PCDHGA10: variants seen among roughly 807,000 people sequenced by gnomAD.
The protein encoded by PCDHGA10 is protocadherin gamma-A10.
In PCDHGA10, 42 loss-of-function variants were observed where a neutral mutation model predicts 59.5. The observed-to-expected ratio is 0.71, with a 90% CI of 0.55 to 0.91. PCDHGA10 has a LOEUF of 0.91. PCDHGA10 is among the 40% of genes least tolerant of loss of function. The pLI is 0.00. For synonymous variants in PCDHGA10, 511 were observed against 517.2 expected (o/e 0.99, Z 0.16); for missense variants, 1,111 against 1,198.2 (o/e 0.93, Z 1.07).
rs1036344847 is a variant in PCDHGA10 at position 141,424,050 on chromosome 5, C to G, written c.2436+8439C>G. 9.9e-6 allele frequency: 10 copies of G among 1,014,084 alleles called. No homozygotes were observed. The African/African-American group carries it at 1.6e-4, about 16-fold the overall frequency. The allele number at this position is 1,014,084 out of a possible 1,614,324, so 62.8% of individuals were successfully genotyped here. A position where few individuals can be genotyped will look rare whatever the true frequency, so the allele number is the denominator to read the frequency against. ...ACTTTTTATTTCCATTTCAATTTTG[C>G]TGTGCCTTCACTGATTTGTAGTTAT... On this transcript the variant is annotated intron_variant, in intron 1 of 3. Coordinates refer to ENST00000398610, the MANE Select transcript of PCDHGA10 (RefSeq NM_018913.3).
At chr5:141,447,238 C>T (rs1028683423) in intron 1 of PCDHGA10, among the ~76,000 whole-genome samples, 1 of 152,148 alleles carries the variant, frequency 6.6e-6, no homozygotes, top group Non-Finnish European at 1.5e-5. Context: ...CTCCCGGGTT[C>T]AAGTGATTCT....
At chr5:141,433,264 G>T in intron 1 of PCDHGA10, 1 of 1,314,872 alleles carries the variant, frequency 7.6e-7, no homozygotes, top group South Asian at 1.4e-5. Flanking sequence ...TACGATCATA[G>T]CTCACTGCAG....
chr5:141,434,509 T>C (rs1480014539), intron 1 of PCDHGA10, among the ~76,000 whole-genome samples: 3 of 152,232 alleles, frequency 2.0e-5, no homozygotes, highest in Non-Finnish European at 4.4e-5. Context: ...AGAAAACTGC[T>C]TAAAGGTGTT....
At chr5:141,481,913 C>CAAAAA (rs34114744) in intron 1 of PCDHGA10, among the ~76,000 whole-genome samples, 2 of 90,852 alleles carry the variant, frequency 2.2e-5, no homozygotes, top group Non-Finnish European at 4.4e-5. Flanking sequence ...AACTCCATCT[C>CAAAAA]AAAAAAAAAA....
At chr5:141,499,689 C>CTTT (rs545067566) in intron 2 of PCDHGA10, among the ~76,000 whole-genome samples, 57 of 119,830 alleles carry the variant, frequency 4.8e-4, no homozygotes, top group Non-Finnish European at 6.2e-4. Context: ...TAACAGATGA[C>CTTT]TTTTTTTTTT....
At chr5:141,424,832 A>G (rs2096843522) in intron 1 of PCDHGA10, among the ~76,000 whole-genome samples, 1 of 152,174 alleles carries the variant, frequency 6.6e-6, no homozygotes. Context: ...TGCCTGACAT[A>G]CATGTTATCT....
chr5:141,492,125 C>T (rs1284932830), intron 1 of PCDHGA10, among the ~76,000 whole-genome samples: 1 of 152,222 alleles, frequency 6.6e-6, no homozygotes, highest in Non-Finnish European at 1.5e-5. Context: ...TTCTCCCCAG[C>T]TCCCAGCATC....
In PCDHGA10 at chr5:141,432,986, G is replaced by A. The variant is rs2097557714; in HGVS notation, c.2436+17375G>A. ...AGCGCCGGCGTCGCACTTTGTGGGC[G>A]TGGACGGGGTGCAGGCTTTCCTGCA... On this transcript the variant is annotated intron_variant, in intron 1 of 3. Transcript: ENST00000398610. This position sits in a 1 kb window ranked among gnomAD's most constrained non-coding sequence, Gnocchi z 6.0. 6 of 1,614,258 alleles carry A rather than the reference G, an allele frequency of 3.7e-6. No individual in the cohort carries two copies. In the Middle Eastern group the frequency reaches 4.9e-4, roughly 133 times the overall value.
chr5:141,450,838 T>A (rs2098698352), intron 1 of PCDHGA10, among the ~76,000 whole-genome samples: 1 of 149,278 alleles, frequency 6.7e-6, no homozygotes, highest in African/African-American at 2.5e-5. Flanking sequence ...TATTTTTTTT[T>A]TTTTGAGATG....
At chr5:141,420,252 C>T (rs745697672) in intron 1 of PCDHGA10, 1 of 1,576,604 alleles carries the variant, frequency 6.3e-7, no homozygotes, top group Non-Finnish European at 8.6e-7. Flanking sequence ...AGCGTTGAAG[C>T]AGATAAGAAG....
rs1382764259 is a variant in PCDHGA10 at position 141,478,383 on chromosome 5, T to G, written c.2437-16424T>G. 2.5e-6 allele frequency: 4 copies of G among 1,613,630 alleles called. No individual in the cohort carries two copies. In the Admixed American group the frequency reaches 6.7e-5, roughly 27 times the overall value. Reference sequence around the variant, plus strand: ...CGGGGAGGCCTGATGTCGCCGCACCTTTACCATCAGGTGTATCTCACCACG... The same window carrying G: ...CGGGGAGGCCTGATGTCGCCGCACCGTTACCATCAGGTGTATCTCACCACG... On this transcript the variant is annotated intron_variant, in intron 1 of 3. Coordinates refer to ENST00000398610, the MANE Select transcript of PCDHGA10 (RefSeq NM_018913.3).
intron 1 of PCDHGA10, among the ~76,000 whole-genome samples, chr5:141,437,486 G>A (rs530079212): frequency 2.6e-5 from 4 of 152,224 alleles, no homozygotes; most frequent in South Asian, 2.1e-4. Flanking sequence ...ATTTAATCTC[G>A]TAGATCACTT....
chr5:141,511,695 C>T lies in PCDHGA10; in HGVS notation c.*522C>T, dbSNP rs1009832192. 1 of 195,662 alleles carries T rather than the reference C, an allele frequency of 5.1e-6. No individual in the cohort carries two copies. Among genetic ancestry groups the T allele is most frequent in the Non-Finnish European group, 1.1e-5 (1 of 92,626 alleles). The allele number at this position is 195,662 out of a possible 1,614,324, so 12.1% of individuals were successfully genotyped here. On this transcript the variant is annotated 3_prime_UTR_variant, in exon 4 of 4. Coordinates refer to ENST00000398610, the MANE Select transcript of PCDHGA10 (RefSeq NM_018913.3). ...CTTCCCCCAAAGCATGGTTTGGTGC[C>T]AGCCCCTTCACCTCCTTCCAGAGCC...
Position 141,491,916 on chromosome 5 carries a change from G to T in PCDHGA10, c.2437-2891G>T. ...GAGCACCGGGGGTGGTGGCGACTGT[G>T]GGCGAGGGGAGGTGGGACCGACCCC... On this transcript the variant is annotated intron_variant, in intron 1 of 3. Transcript: ENST00000398610. The surrounding 1 kb of genome is among the most constrained non-coding windows in gnomAD (Gnocchi z 6.9). 2 of 1,386,662 alleles carry T rather than the reference G, an allele frequency of 1.4e-6. No homozygotes were observed. Among genetic ancestry groups the T allele is most frequent in the African/African-American group, 1.5e-5 (1 of 68,510 alleles). The allele number at this position is 1,386,662 out of a possible 1,614,324, so 85.9% of individuals were successfully genotyped here.
chr5:141,431,016 C>A lies in PCDHGA10; in HGVS notation c.2436+15405C>A, dbSNP rs755015257. 4 of 1,613,456 alleles carry A rather than the reference C, an allele frequency of 2.5e-6. No individual in the cohort carries two copies. Among genetic ancestry groups the A allele is most frequent in the East Asian group, 2.2e-5 (1 of 44,860 alleles). ...AATCCGCGCAGCGGCAGCTTGGTCA[C>A]GGCGGGCAGGATAGACCGGGAGGAG... is the stretch of plus-strand genomic sequence containing the variant. On this transcript the variant is annotated intron_variant, in intron 1 of 3. Coordinates refer to ENST00000398610, the MANE Select transcript of PCDHGA10 (RefSeq NM_018913.3). The surrounding 1 kb of genome is among the most constrained non-coding windows in gnomAD (Gnocchi z 4.8).
intron 1 of PCDHGA10, among the ~76,000 whole-genome samples, chr5:141,484,752 A>G (rs181317421): frequency 6.6e-5 from 10 of 151,098 alleles, no homozygotes; most frequent in Admixed American, 3.3e-4. Context: ...AAAAAAATGT[A>G]TATATATATA....
chr5:141,413,647 C>T lies in PCDHGA10; in HGVS notation c.472C>T (p.Leu158Phe), dbSNP rs1371772412. Residue 158 changes from leucine (L) to phenylalanine (F), a missense_variant, in exon 1 of 4, where the codon CTC becomes TTC. Leu to Phe is a conservative substitution (Grantham distance 22, BLOSUM62 0). Transcript: ENST00000398610. Reference protein sequence around the residue: ...ENVAAGMRFPLPEAIDPDVGV... With the variant: ...ENVAAGMRFPFPEAIDPDVGV... ...TGTCGCTGCGGGAATGCGTTTTCCT[C>T]TCCCGGAAGCTATTGATCCGGATGT... 1.2e-6 allele frequency: 2 copies of T among 1,613,880 alleles called. No individual in the cohort carries two copies. The highest frequency in any genetic ancestry group is 1.7e-6 in the Non-Finnish European group (2 of 1,179,898).
rs1452602466 is a variant in PCDHGA10 at position 141,481,941 on chromosome 5, C to A, written c.2437-12866C>A. Among the ~76,000 whole-genome samples, 4 of 146,990 alleles carry A rather than the reference C, an allele frequency of 2.7e-5. No individual in the cohort carries two copies. The Admixed American group carries it at 2.7e-4, about 10-fold the overall frequency. On this transcript the variant is annotated intron_variant, in intron 1 of 3. Coordinates refer to ENST00000398610, the MANE Select transcript of PCDHGA10 (RefSeq NM_018913.3). ...AAAAAAAAAAAAAAAAAAAATCAGC[C>A]AGATGTGGTGGCAGGTGCCTGTAGT...
At chr5:141,495,095 G>C (rs67264863) in intron 2 of PCDHGA10, among the ~76,000 whole-genome samples, 9,751 of 152,126 alleles carry the variant, frequency 0.064, 363 homozygotes, top group South Asian at 0.11. Context: ...TTCCCTCCTC[G>C]CCACGACCGG....
Sources: gnomAD v4.1 joint callset for allele counts (sites outside exome capture counted in the v4.1 genomes callset) on GRCh38, gnomAD v4.1.1 for gene constraint, Gnocchi (gnomAD v3.1) non-coding constraint, MANE v1.5 for transcripts, NCBI Gene and HGNC (gene_info 2026-07-23, HGNC 2026-07-21) for gene names.